CCDC88C: variants seen among roughly 807,000 people sequenced by gnomAD.
The protein encoded by CCDC88C is coiled-coil and HOOK domain protein 88C.
In CCDC88C, 131 loss-of-function variants were observed where a neutral mutation model predicts 198.8. That is an observed-to-expected ratio of 0.66 (90% CI 0.57 to 0.76). The LOEUF (loss-of-function observed/expected upper bound fraction) is 0.76. CCDC88C is among the 30% of genes least tolerant of loss of function. The probability of loss-of-function intolerance (pLI) is 0.00; values close to 1 mark genes in which losing one functional copy is unlikely to be tolerated. For synonymous variants in CCDC88C, 1,166 were observed against 1,114.7 expected, an observed-to-expected ratio of 1.05 and a Z score of -0.92; for missense variants, 2,553 against 2,631.6, an observed-to-expected ratio of 0.97 and a Z score of 0.65.
intron 22 of CCDC88C, 105 bp from the exon 23 acceptor site, chr14:91,294,423 C>T (rs757606528): frequency 2.9e-5 from 39 of 1,342,100 alleles, no homozygotes; most frequent in African/African-American, 5.8e-5. Context: ...AGATGTTCAA[C>T]GCAGCATAAT....
intron 25 of CCDC88C, 71 bp from the exon 26 acceptor site, chr14:91,283,588 G>T: frequency 1.4e-6 from 2 of 1,439,602 alleles, no homozygotes; most frequent in East Asian, 2.5e-5. Flanking sequence ...CCACACCATG[G>T]CCTAGAAGCA....
intron 13 of CCDC88C, among the ~76,000 whole-genome samples, chr14:91,319,772 T>C (rs1456174132): frequency 6.6e-6 from 1 of 151,606 alleles, no homozygotes; most frequent in Non-Finnish European, 1.5e-5. Context: ...ATGCTGGTAA[T>C]CCCAGCATTT....
At chr14:91,308,745 G>A (rs915409487) in intron 16 of CCDC88C, among the ~76,000 whole-genome samples, 1 of 152,174 alleles carries the variant, frequency 6.6e-6, no homozygotes, top group Non-Finnish European at 1.5e-5. Context: ...TCTGAGGCAG[G>A]AATTATTATT....
intron 4 of CCDC88C, among the ~76,000 whole-genome samples, chr14:91,351,414 TACA>T (rs1199721492): frequency 2.6e-5 from 4 of 152,182 alleles, no homozygotes; most frequent in African/African-American, 9.7e-5. Context: ...GGGCTCAGCT[TACA>T]ACGAGAAGAG....
At position 91,339,109 on chromosome 14, in the gene CCDC88C, G is replaced by A; in HGVS notation, c.809+169C>T. ...CCCCATCCCTGTGCAGGCCTCAGAA[G>A]GGGAGGCAGCTAGTCCGAGGTCAAA... On this transcript the variant is annotated intron_variant, in intron 8 of 29. Transcript: ENST00000389857. This position sits in a 1 kb window ranked among gnomAD's most constrained non-coding sequence, Gnocchi z 5.8. The A allele has an allele frequency of 1.3e-6, 1 of 767,912 alleles. No individual in the cohort carries two copies. Among genetic ancestry groups the A allele is most frequent in the Non-Finnish European group, 2.2e-6 (1 of 448,224 alleles). 47.6% of individuals were successfully genotyped at this position (767,912 alleles called of 1,614,324 possible). A position where few individuals can be genotyped will look rare whatever the true frequency, so the allele number is the denominator to read the frequency against.
At chr14:91,337,186 C>G (rs1364753521) in intron 10 of CCDC88C, among the ~76,000 whole-genome samples, 3 of 152,200 alleles carry the variant, frequency 2.0e-5, no homozygotes, top group Admixed American at 1.3e-4. Context: ...GGGTCTGGGT[C>G]TCCATGTAGC....
intron 4 of CCDC88C, among the ~76,000 whole-genome samples, chr14:91,349,759 A>T (rs1416696543): frequency 6.6e-6 from 1 of 152,188 alleles, no homozygotes; most frequent in Non-Finnish European, 1.5e-5. Context: ...AACATAAGCT[A>T]TATAGAAAGC....
chr14:91,321,378 T>C (rs1041501272), intron 12 of CCDC88C, 74 bp from the exon 13 acceptor site: 54 of 1,464,090 alleles, frequency 3.7e-5, no homozygotes, highest in African/African-American at 2.1e-4. Flanking sequence ...AGCTCCGAGA[T>C]GGTCATCAGT....
intron 4 of CCDC88C, among the ~76,000 whole-genome samples, chr14:91,348,599 G>A (rs1250105330): frequency 6.6e-6 from 1 of 152,110 alleles, no homozygotes; most frequent in Non-Finnish European, 1.5e-5. Context: ...ACAACCCTGA[G>A]TTCATTCATT....
chr14:91,361,233 T>C (rs1894291418), intron 3 of CCDC88C, among the ~76,000 whole-genome samples: 1 of 152,014 alleles, frequency 6.6e-6, no homozygotes, highest in South Asian at 2.1e-4. Context: ...CCAAGAAAGC[T>C]CCTGTTAGGC....
intron 3 of CCDC88C, among the ~76,000 whole-genome samples, chr14:91,404,859 G>A (rs1018145130): frequency 3.8e-4 from 58 of 151,934 alleles, no homozygotes; most frequent in African/African-American, 1.2e-3. Context: ...CAGCTACTCG[G>A]GAGGCTGAGG....
chr14:91,384,378 A>C (rs1884997592), intron 3 of CCDC88C: 2 of 470,460 alleles, frequency 4.3e-6, no homozygotes, highest in South Asian at 3.1e-5. Flanking sequence ...AAATGATGTA[A>C]ATTCATCCTT....
In CCDC88C at chr14:91,339,715, G is replaced by A. The variant is rs746705633; in HGVS notation, c.624+169C>T. The stretch of plus-strand genomic sequence containing the variant: ...ATTCCCTGTATCCTCCCACAGGCCC[G>A]AGGTGACCATGCACTGCAGGGGCCG... On this transcript the variant is annotated intron_variant, in intron 7 of 29. Transcript: ENST00000389857. This position sits in a 1 kb window ranked among gnomAD's most constrained non-coding sequence, Gnocchi z 5.8. Among the ~76,000 whole-genome samples the A allele has an allele frequency of 2.0e-5, 3 of 152,154 alleles. No homozygotes were observed. Among genetic ancestry groups the A allele is most frequent in the African/African-American group, 7.2e-5 (3 of 41,442 alleles).
intron 1 of CCDC88C, chr14:91,417,240 A>G: frequency 1.4e-6 from 1 of 701,140 alleles, no homozygotes; most frequent in Non-Finnish European, 2.6e-6. Context: ...TCAGGGATTC[A>G]GAAAAACTAC....
chr14:91,272,622 C>G lies in CCDC88C; in HGVS notation c.*3G>C. On this transcript the variant is annotated 3_prime_UTR_variant, in exon 30 of 30. Transcript: ENST00000389857. ...CAGGTTTGCGAGCTCAACCACGAGA[C>G]AGTCACACACAGCCGTACTCATACC... The G allele has an allele frequency of 6.2e-7, 1 of 1,600,364 alleles. No individual in the cohort carries two copies. Among genetic ancestry groups the G allele is most frequent in the Non-Finnish European group, 8.5e-7 (1 of 1,174,074 alleles).
intron 4 of CCDC88C, among the ~76,000 whole-genome samples, chr14:91,355,991 A>G (rs1894025048): frequency 6.6e-6 from 1 of 152,088 alleles, no homozygotes. Context: ...CATCCATCAA[A>G]AAGAGTACAA....
chr14:91,415,159 T>C (rs1172281034), intron 2 of CCDC88C, among the ~76,000 whole-genome samples: 2 of 152,076 alleles, frequency 1.3e-5, no homozygotes, highest in African/African-American at 2.4e-5. Flanking sequence ...ATTGCGCCAA[T>C]GGAATCCAGT....
chr14:91,298,444 G>A (rs948864389), intron 21 of CCDC88C, among the ~76,000 whole-genome samples: 2 of 151,760 alleles, frequency 1.3e-5, no homozygotes, highest in African/African-American at 4.8e-5. Context: ...TGGGCTGGGA[G>A]GATCACTTAG....
chr14:91,303,574 T>C, intron 20 of CCDC88C, 127 bp downstream of exon 20: 1 of 701,688 alleles, frequency 1.4e-6, no homozygotes, highest in Middle Eastern at 5.6e-4. Flanking sequence ...GCTCCACCCA[T>C]CTTCCCCAGG....
Sources: allele counts gnomAD v4.1 joint callset (sites outside exome capture counted in the v4.1 genomes callset), GRCh38; gene constraint gnomAD v4.1.1; non-coding constraint Gnocchi (gnomAD v3.1); transcripts MANE v1.5; gene names NCBI Gene and HGNC (gene_info 2026-07-23, HGNC 2026-07-21).